TRMT6: variants seen among roughly 807,000 people sequenced by gnomAD.
The protein encoded by TRMT6 is tRNA (adenine(58)-N(1))-methyltransferase non-catalytic subunit TRM6.
Under a neutral mutation model 59.0 loss-of-function variants are expected in TRMT6, and 34 were observed. The observed-to-expected ratio is 0.58, with a 90% confidence interval of 0.44 to 0.77. TRMT6 has a LOEUF of 0.77. Ranked by LOEUF, TRMT6 falls within the 30% of genes least tolerant of loss-of-function variation. TRMT6 has a pLI of 0.00. For synonymous variants in TRMT6, 217 were observed against 210.5 expected, an observed-to-expected ratio of 1.03 and a Z score of -0.27; for missense variants, 575 against 604.5, an observed-to-expected ratio of 0.95 and a Z score of 0.51.
chr20:5,943,741 C>A (rs1267370019), intron 5 of TRMT6, 58 bp from the exon 6 acceptor site: 4 of 1,569,012 alleles, frequency 2.5e-6, no homozygotes, highest in African/African-American at 2.8e-5. Context: ...TTATTTTAAT[C>A]ATCATTTTTC....
intron 1 of TRMT6, among the ~76,000 whole-genome samples, chr20:5,949,429 T>C (rs1306137471): frequency 1.3e-5 from 2 of 152,184 alleles, no homozygotes; most frequent in African/African-American, 4.8e-5. Context: ...ATTTTCACCA[T>C]TAATAAGCTC....
chr20:5,946,115 G>A (rs2122608424), intron 2 of TRMT6, among the ~76,000 whole-genome samples: 1 of 152,256 alleles, frequency 6.6e-6, no homozygotes, highest in Middle Eastern at 3.4e-3. Flanking sequence ...TAACTTCTGG[G>A]CACTGAAAGA....
chr20:5,938,444 G>T lies in TRMT6; in HGVS notation c.*91C>A. 7.8e-7 allele frequency: 1 copy of T among 1,284,694 alleles called. No homozygotes were observed. Among genetic ancestry groups the T allele is most frequent in the Non-Finnish European group, 1.1e-6 (1 of 919,732 alleles). The allele number at this position is 1,284,694 out of a possible 1,614,324, so 79.6% of individuals were successfully genotyped here. On this transcript the variant is annotated 3_prime_UTR_variant, in exon 11 of 11. Coordinates refer to ENST00000203001, the MANE Select transcript of TRMT6 (RefSeq NM_015939.5). The stretch of plus-strand genomic sequence containing the variant: ...TACATAGACATGTTCTTATTCTTGG[G>T]ATATGAAAAAACAAGTAGTAATGGC...
At chr20:5,941,759 C>T (rs1461306741) in intron 8 of TRMT6, 192 bp downstream of exon 8, 3 of 612,116 alleles carry the variant, frequency 4.9e-6, no homozygotes, top group African/African-American at 1.8e-5. Context: ...TCTTCTGAAA[C>T]CCTGAAACCA....
rs754193939 is a variant in TRMT6 at position 5,950,412 on chromosome 20, C to T, written c.-7G>A. On this transcript the variant is annotated 5_prime_UTR_variant, in exon 1 of 11. Coordinates refer to ENST00000203001, the MANE Select transcript of TRMT6 (RefSeq NM_015939.5). ...GCTCCCCTGAGCCCTCCATGACGCT[C>T]AGCCGGTCGCCGTGCTCCACGGCGT... The T allele has an allele frequency of 6.3e-7, 1 of 1,577,428 alleles. No homozygotes were observed. The highest frequency in any genetic ancestry group is 1.1e-5 in the South Asian group (1 of 88,286).
chr20:5,943,848 C>T, intron 5 of TRMT6, 100 bp downstream of exon 5: 1 of 1,527,328 alleles, frequency 6.5e-7, no homozygotes, highest in South Asian at 1.3e-5. Flanking sequence ...TAGGAGGATA[C>T]TTTATGCAGG....
At chr20:5,942,867 T>C in intron 6 of TRMT6, 81 bp from the exon 7 acceptor site, 1 of 1,058,594 alleles carries the variant, frequency 9.4e-7, no homozygotes, top group South Asian at 1.5e-5. Context: ...TCCACAGTAA[T>C]GAGACTGAAG....
At chr20:5,946,571 T>C (rs2088708945) in intron 1 of TRMT6, 38 bp from the exon 2 acceptor site, 1 of 1,602,118 alleles carries the variant, frequency 6.2e-7, no homozygotes. Flanking sequence ...GAATATCTTT[T>C]CTATCCAGTA....
chr20:5,945,918 T>C (rs2088701551), intron 2 of TRMT6, among the ~76,000 whole-genome samples: 1 of 152,168 alleles, frequency 6.6e-6, no homozygotes, highest in South Asian at 2.1e-4. Context: ...GAACACTCAA[T>C]ACAACCTAGG....
chr20:5,948,758 G>A (rs922311256), intron 1 of TRMT6, among the ~76,000 whole-genome samples: 3 of 152,040 alleles, frequency 2.0e-5, no homozygotes, highest in Non-Finnish European at 2.9e-5. Flanking sequence ...TTACATTTCC[G>A]GACTAAAAGA....
intron 1 of TRMT6, among the ~76,000 whole-genome samples, chr20:5,947,634 C>T (rs570153298): frequency 6.6e-6 from 1 of 152,348 alleles, no homozygotes; most frequent in African/African-American, 2.4e-5. Flanking sequence ...TCCCTAGATA[C>T]TTACATACAA....
In TRMT6 at chr20:5,938,603, TGCTTGCATTA is replaced by T. The variant is rs1406306435; in HGVS notation, c.1416_1425del (p.Asn473LeufsTer2). ...TCCTCAGTCTCGTGTGATTCTAAAG[TGCTTGCATTA>T]GATTTGAGGCTGGTGTCTGCTTTAA... On this transcript the variant is annotated frameshift_variant, in exon 11 of 11. Transcript: ENST00000203001. LOFTEE classifies it high-confidence loss of function. The T allele has an allele frequency of 6.2e-7, 1 of 1,614,252 alleles. No homozygotes were observed. Among genetic ancestry groups the T allele is most frequent in the Non-Finnish European group, 8.5e-7 (1 of 1,180,048 alleles).
chr20:5,941,434 A>C, intron 8 of TRMT6, 89 bp from the exon 9 acceptor site: 1 of 889,888 alleles, frequency 1.1e-6, no homozygotes, highest in South Asian at 1.5e-5. Flanking sequence ...TCATGTATTT[A>C]ATTTGCATGA....
At chr20:5,945,685 T>C (rs550192043) in intron 2 of TRMT6, among the ~76,000 whole-genome samples, 1 of 152,308 alleles carries the variant, frequency 6.6e-6, no homozygotes, top group South Asian at 2.1e-4. Flanking sequence ...TGTATCTAAA[T>C]AACAGGTTTG....
chr20:5,947,514 C>G (rs944173336), intron 1 of TRMT6, among the ~76,000 whole-genome samples: 15 of 152,214 alleles, frequency 9.9e-5, no homozygotes. Context: ...TTCCCTAAAT[C>G]GGCCACACTT....
chr20:5,946,539 G>A lies in TRMT6; in HGVS notation c.129-6C>T. 4.3e-6 allele frequency: 7 copies of A among 1,610,276 alleles called. No homozygotes were observed. The highest frequency in any genetic ancestry group is 5.9e-6 in the Non-Finnish European group (7 of 1,178,430). On this transcript the variant is annotated splice_region_variant and splice_polypyrimidine_tract_variant and intron_variant, in intron 1 of 10. Transcript: ENST00000203001. Reference sequence around the variant, plus strand: ...GTTTTTCGAAAGTTACTTTTCTAGGGAAAAAAAGTAATCAATTAACTGAAT... The same window carrying A: ...GTTTTTCGAAAGTTACTTTTCTAGGAAAAAAAAGTAATCAATTAACTGAAT...
rs1020711744 is a variant in TRMT6 at position 5,938,393 on chromosome 20, A to G, written c.*142T>C. 2.8e-5 allele frequency: 25 copies of G among 894,928 alleles called. No individual in the cohort carries two copies. The African/African-American group carries it at 3.0e-4, about 11-fold the overall frequency. The allele number at this position is 894,928 out of a possible 1,614,324, so 55.4% of individuals were successfully genotyped here. On this transcript the variant is annotated 3_prime_UTR_variant, in exon 11 of 11. Coordinates refer to ENST00000203001, the MANE Select transcript of TRMT6 (RefSeq NM_015939.5). ...TCTGTGTCAGAAATAGACAAAAGGC[A>G]TATACTCCTCCTTCCTAGAAACGGG...
At chr20:5,945,781 T>C (rs2088700702) in intron 2 of TRMT6, among the ~76,000 whole-genome samples, 1 of 152,228 alleles carries the variant, frequency 6.6e-6, no homozygotes, top group African/African-American at 2.4e-5. Flanking sequence ...TTAATAAATA[T>C]AATTTTAATT....
At chr20:5,943,924 C>T (rs1297302600) in intron 5 of TRMT6, 24 bp downstream of exon 5, 1 of 1,591,852 alleles carries the variant, frequency 6.3e-7, no homozygotes, top group Admixed American at 1.9e-5. Context: ...CCCAATTATA[C>T]TTTTGAAAGG....
Sources: gnomAD v4.1 joint callset for allele counts (sites outside exome capture counted in the v4.1 genomes callset) on GRCh38, gnomAD v4.1.1 for gene constraint, MANE v1.5 for transcripts, NCBI Gene and HGNC (gene_info 2026-07-23, HGNC 2026-07-21) for gene names.